The following PDE11A variants were observed in gnomAD, a reference collection of about 807,000 sequenced individuals.
PDE11A encodes phosphodiesterase 11A.
A neutral mutation model predicts 100.5 loss-of-function variants in PDE11A; 100 were observed. That is an observed-to-expected ratio of 1.00 (90% CI 0.85 to 1.18). The LOEUF (loss-of-function observed/expected upper bound fraction) is 1.18. PDE11A is among the 50% of genes most tolerant of loss of function. PDE11A has a pLI of 0.00. For synonymous variants in PDE11A, 381 were observed against 420.8 expected, an observed-to-expected ratio of 0.91 and a Z score of 1.16; for missense variants, 1,141 against 1,152.6, an observed-to-expected ratio of 0.99 and a Z score of 0.15.
intron 19 of PDE11A, among the ~76,000 whole-genome samples, chr2:177,645,902 C>T (rs1009477384): frequency 2.6e-5 from 4 of 152,162 alleles, no homozygotes; most frequent in Admixed American, 6.5e-5. Flanking sequence ...GCAGATTAGT[C>T]GTGCATGTAA....
chr2:177,720,514 C>G (rs1419957083), intron 12 of PDE11A, among the ~76,000 whole-genome samples: 3 of 152,102 alleles, frequency 2.0e-5, no homozygotes, highest in Non-Finnish European at 4.4e-5. Flanking sequence ...TAAAGTTTGT[C>G]TACCAATAAA....
chr2:177,920,048 T>C (rs373448114), intron 2 of PDE11A, among the ~76,000 whole-genome samples: 4 of 151,978 alleles, frequency 2.6e-5, no homozygotes, highest in East Asian at 3.8e-4. Context: ...AGCCTAAAAA[T>C]TAGAAAATCC....
intron 10 of PDE11A, among the ~76,000 whole-genome samples, chr2:177,759,173 G>GCACACACA (rs10541503): frequency 2.0e-5 from 3 of 147,424 alleles, no homozygotes; most frequent in East Asian, 2.0e-4. Flanking sequence ...TGGAGCACGT[G>GCACACACA]CACACACACA....
At chr2:178,074,946 G>A (rs942611774), upstream of PDE11A, among the ~76,000 whole-genome samples, 5 of 152,152 alleles carry the variant, frequency 3.3e-5, no homozygotes, top group Admixed American at 6.5e-5. Flanking sequence ...AATAAGATGT[G>A]TGTTGGTGTG....
chr2:177,969,154 G>A (rs867849241), intron 2 of PDE11A, among the ~76,000 whole-genome samples: 14 of 152,058 alleles, frequency 9.2e-5, no homozygotes, highest in South Asian at 2.1e-4. Flanking sequence ...CATTCTCAGC[G>A]AACTAACACA....
intron 1 of PDE11A, among the ~76,000 whole-genome samples, chr2:178,033,759 CAA>C (rs1189690934): frequency 6.9e-6 from 1 of 144,390 alleles, no homozygotes; most frequent in South Asian, 2.1e-4. Flanking sequence ...CATTCTTAAA[CAA>C]AAAAAAGTTT....
chr2:177,857,067 T>A (rs2083846880), intron 5 of PDE11A, among the ~76,000 whole-genome samples: 1 of 151,928 alleles, frequency 6.6e-6, no homozygotes, highest in African/African-American at 2.4e-5. Flanking sequence ...GAGATGTAAC[T>A]CATTATATAA....
intron 2 of PDE11A, chr2:177,997,609 A>G: frequency 9.1e-7 from 1 of 1,100,464 alleles, no homozygotes; most frequent in Non-Finnish European, 1.4e-6. Flanking sequence ...AAGTTGTCTG[A>G]TATAAACTTG....
At chr2:177,681,587 C>T (rs2080865603) in intron 15 of PDE11A, among the ~76,000 whole-genome samples, 2 of 152,192 alleles carry the variant, frequency 1.3e-5, no homozygotes. Flanking sequence ...AGCATAGTGT[C>T]TCAACATTTT....
chr2:178,079,507 A>C (rs1214601056), intron 2 of PDE11A, among the ~76,000 whole-genome samples: 1 of 152,122 alleles, frequency 6.6e-6, no homozygotes, highest in Non-Finnish European at 1.5e-5. Context: ...TTCATGGTGC[A>C]TATCATCAAA....
At chr2:178,087,478 C>T (rs2087373231) in intron 2 of PDE11A, among the ~76,000 whole-genome samples, 2 of 151,900 alleles carry the variant, frequency 1.3e-5, no homozygotes, top group South Asian at 4.2e-4. Flanking sequence ...TGAAACAAGA[C>T]ACAGAAAGAC....
In PDE11A at chr2:177,940,136, C is replaced by A. The variant is rs560145713; in HGVS notation, c.1072-34949G>T. Among the ~76,000 whole-genome samples, 25 of 152,006 alleles carry A rather than the reference C, an allele frequency of 1.6e-4. 1 individual carries two copies. The South Asian group carries it at 5.2e-3, about 32-fold the overall frequency. Reference sequence around the variant, plus strand: ...AGGAGTGGAGATGAAATAGGATCGTCCAGAAGTGAATGGTTGTACAACTGG... The same window carrying A: ...AGGAGTGGAGATGAAATAGGATCGTACAGAAGTGAATGGTTGTACAACTGG... On this transcript the variant is annotated intron_variant, in intron 2 of 19. Transcript: ENST00000286063.
chr2:177,874,839 G>T (rs2084204655), intron 5 of PDE11A, among the ~76,000 whole-genome samples: 1 of 152,138 alleles, frequency 6.6e-6, no homozygotes, highest in South Asian at 2.1e-4. Context: ...ATGAAAACAG[G>T]TTTGCTCCAG....
intron 4 of PDE11A, among the ~76,000 whole-genome samples, chr2:177,887,596 C>T (rs2084458782): frequency 6.6e-6 from 1 of 151,976 alleles, no homozygotes; most frequent in Non-Finnish European, 1.5e-5. Flanking sequence ...AACCTCATTT[C>T]CACAAAAATT....
At chr2:177,999,557 T>A (rs1401051788) in intron 2 of PDE11A, among the ~76,000 whole-genome samples, 1 of 152,194 alleles carries the variant, frequency 6.6e-6, no homozygotes, top group Non-Finnish European at 1.5e-5. Context: ...AACCAAGCAC[T>A]GAGAATGGAG....
At chr2:177,852,154 A>G (rs1217768292) in intron 5 of PDE11A, among the ~76,000 whole-genome samples, 1 of 152,158 alleles carries the variant, frequency 6.6e-6, no homozygotes, top group Non-Finnish European at 1.5e-5. Context: ...CCCTTGATGC[A>G]CTAGTGGTCA....
At chr2:178,004,236 C>A (rs962203496) in intron 2 of PDE11A, among the ~76,000 whole-genome samples, 1 of 151,648 alleles carries the variant, frequency 6.6e-6, no homozygotes, top group African/African-American at 2.4e-5. Flanking sequence ...ATAACAAGCT[C>A]ATATTACTTT....
chr2:177,980,180 C>T (rs1406510089), intron 2 of PDE11A, among the ~76,000 whole-genome samples: 1 of 150,290 alleles, frequency 6.7e-6, no homozygotes, highest in Non-Finnish European at 1.5e-5. Flanking sequence ...AGAATACCAG[C>T]TAAGGAGAAA....
At chr2:177,880,705 T>C (rs1332672090) in intron 4 of PDE11A, among the ~76,000 whole-genome samples, 1 of 152,184 alleles carries the variant, frequency 6.6e-6, no homozygotes, top group African/African-American at 2.4e-5. Context: ...TTTACACTTA[T>C]ATCATAATTC....
Sources: allele counts gnomAD v4.1 joint callset (sites outside exome capture counted in the v4.1 genomes callset), GRCh38; gene constraint gnomAD v4.1.1; transcripts MANE v1.5; gene names NCBI Gene and HGNC (gene_info 2026-07-23, HGNC 2026-07-21).